LYZL4: variants seen among roughly 807,000 people sequenced by gnomAD.
LYZL4 encodes the protein lysozyme like 4, also known as lysozyme-like protein 4.
A neutral mutation model predicts 17.6 loss-of-function variants in LYZL4; 13 were observed. That is an observed-to-expected ratio of 0.74 (90% CI 0.48 to 1.18). The LOEUF is 1.18. Ranked by LOEUF, LYZL4 falls within the 50% of genes most tolerant of loss-of-function variation. LYZL4 has a pLI of 0.00. For synonymous variants in LYZL4, 64 were observed against 67.7 expected (o/e 0.95, Z 0.27); for missense variants, 174 against 188.2 (o/e 0.92, Z 0.44).
chr3:42,371,954 A>G, the LYZL4 span, among the ~76,000 whole-genome samples: 2 of 152,140 alleles, frequency 1.3e-5, no homozygotes, highest in African/African-American at 4.8e-5. Flanking sequence ...TCCTGTGCCA[A>G]CCTCCACAGT....
chr3:42,380,833 G>C, the LYZL4 span, among the ~76,000 whole-genome samples: 1 of 152,172 alleles, frequency 6.6e-6, no homozygotes, highest in African/African-American at 2.4e-5. Context: ...ACCAATGTGG[G>C]GCTGGGCCCT....
chr3:42,407,434 C>A (rs750651877), intron 1 of LYZL4, 91 bp from the exon 2 acceptor site: 4 of 727,498 alleles, frequency 5.5e-6, no homozygotes, highest in Non-Finnish European at 8.8e-6. Context: ...CATCCTAATT[C>A]TCTGCTTCGT....
the LYZL4 span, among the ~76,000 whole-genome samples, chr3:42,379,758 T>C: frequency 6.6e-6 from 1 of 152,218 alleles, no homozygotes; most frequent in East Asian, 1.9e-4. Flanking sequence ...GATCCTCTTA[T>C]GGACTGAATC....
At chr3:42,367,405 G>A in the LYZL4 span, among the ~76,000 whole-genome samples, 1 of 152,242 alleles carries the variant, frequency 6.6e-6, no homozygotes. Flanking sequence ...CATCAAGGAA[G>A]CATGGGGTGG....
At chr3:42,373,476 T>A in the LYZL4 span, among the ~76,000 whole-genome samples, 1 of 152,148 alleles carries the variant, frequency 6.6e-6, no homozygotes, top group Non-Finnish European at 1.5e-5. Flanking sequence ...GGGTTACTAT[T>A]TCACACACAC....
At chr3:42,396,727 T>G (rs1577149790), downstream of LYZL4, among the ~76,000 whole-genome samples, 1 of 152,256 alleles carries the variant, frequency 6.6e-6, no homozygotes. Context: ...ATGTGTTATT[T>G]ATAACTTTCA....
the LYZL4 span, among the ~76,000 whole-genome samples, chr3:42,381,555 G>A: frequency 2.0e-4 from 31 of 152,152 alleles, no homozygotes; most frequent in Non-Finnish European, 3.4e-4. Context: ...GCGTTGAAAC[G>A]ACAGCACATC....
chr3:42,379,296 T>A, the LYZL4 span, among the ~76,000 whole-genome samples: 3 of 152,198 alleles, frequency 2.0e-5, no homozygotes, highest in South Asian at 6.2e-4. Context: ...AGCTCGGACA[T>A]CTCCTCAACA....
chr3:42,384,337 G>T, the LYZL4 span, among the ~76,000 whole-genome samples: 11 of 152,106 alleles, frequency 7.2e-5, no homozygotes, highest in East Asian at 2.1e-3. Context: ...ATAAAACAAG[G>T]GTATAAACCA....
chr3:42,403,989 A>T, intron 4 of LYZL4, 57 bp downstream of exon 4: 1 of 1,261,398 alleles, frequency 7.9e-7, no homozygotes, highest in Non-Finnish European at 1.1e-6. Flanking sequence ...CAAGATTCAG[A>T]TTAGAGATCA....
the LYZL4 span, among the ~76,000 whole-genome samples, chr3:42,388,657 T>C: frequency 6.6e-6 from 1 of 152,178 alleles, no homozygotes. Flanking sequence ...TTTTGAACAT[T>C]TGCTGAACAA....
chr3:42,361,168 C>A, the LYZL4 span, among the ~76,000 whole-genome samples: 1 of 152,064 alleles, frequency 6.6e-6, no homozygotes, highest in Non-Finnish European at 1.5e-5. Context: ...GTGTATGTAA[C>A]ATATGTGTGT....
the LYZL4 span, among the ~76,000 whole-genome samples, chr3:42,385,811 C>T: frequency 4.7e-4 from 71 of 152,194 alleles, no homozygotes; most frequent in East Asian, 9.6e-3. Flanking sequence ...GTCAGGCACC[C>T]GATAAATAGT....
intron 3 of LYZL4, among the ~76,000 whole-genome samples, chr3:42,406,604 C>T (rs1349776220): frequency 1.3e-5 from 2 of 152,288 alleles, no homozygotes; most frequent in African/African-American, 4.8e-5. Context: ...ACCTTCTCTG[C>T]CCATTTGGAC....
Position 42,404,137 on chromosome 3 carries a change from GA to G in LYZL4, c.293-14del. 1 of 1,558,160 alleles carries G rather than the reference GA, an allele frequency of 6.4e-7. No individual in the cohort carries two copies. Among genetic ancestry groups the G allele is most frequent in the Non-Finnish European group, 8.9e-7 (1 of 1,129,494 alleles). ...GGATTCAGTAAAGCTGTGGGGAAAA[GA>G]AAATGGAAGATACCATGCTGCCATA... On this transcript the variant is annotated splice_polypyrimidine_tract_variant and intron_variant, in intron 3 of 4. Transcript: ENST00000287748.
the LYZL4 span, among the ~76,000 whole-genome samples, chr3:42,385,434 A>C: frequency 5.3e-5 from 8 of 152,328 alleles, no homozygotes; most frequent in African/African-American, 1.9e-4. Flanking sequence ...TAGGAACAAT[A>C]GGCTATATTG....
chr3:42,367,090 T>C, the LYZL4 span, among the ~76,000 whole-genome samples: 3 of 152,222 alleles, frequency 2.0e-5, no homozygotes, highest in Non-Finnish European at 4.4e-5. Context: ...TCCTTCTAGC[T>C]AGCCATTCAC....
chr3:42,395,058 G>A (rs56241558), downstream of LYZL4, among the ~76,000 whole-genome samples: 4,691 of 152,280 alleles, frequency 0.031, 225 homozygotes, highest in African/African-American at 0.1. Flanking sequence ...GATTCATGCT[G>A]TGTGGTTGGG....
chr3:42,391,935 TGCGA>T, the LYZL4 span, among the ~76,000 whole-genome samples: 2 of 151,732 alleles, frequency 1.3e-5, no homozygotes, highest in Admixed American at 1.3e-4. Flanking sequence ...AGTGCAGTGG[TGCGA>T]TCTCACTACA....
Sources: allele counts gnomAD v4.1 joint callset (sites outside exome capture counted in the v4.1 genomes callset), GRCh38; gene constraint gnomAD v4.1.1; transcripts MANE v1.5; gene names NCBI Gene and HGNC (gene_info 2026-07-23, HGNC 2026-07-21).